The following NLGN4X variants were observed in gnomAD, a reference collection of about 807,000 sequenced individuals.
The protein encoded by NLGN4X is neuroligin-4, X-linked.
A neutral mutation model predicts 40.3 loss-of-function variants in NLGN4X; 3 were observed. The observed-to-expected ratio is 0.07, with a 90% CI of 0.03 to 0.19. The LOEUF (loss-of-function observed/expected upper bound fraction) is 0.19. Ranked by LOEUF, NLGN4X falls within the 10% of genes least tolerant of loss-of-function variation. NLGN4X has a pLI of 1.00. For synonymous variants in NLGN4X, 270 were observed against 306.8 expected, an observed-to-expected ratio of 0.88 and a Z score of 1.25; for missense variants, 382 against 708.3, an observed-to-expected ratio of 0.54 and a Z score of 5.23.
At chrX:5,939,385 G>A (rs1234962828) in intron 3 of NLGN4X, among the ~76,000 whole-genome samples, 1 of 111,104 alleles carries the variant, frequency 9.0e-6, no homozygotes, top group Admixed American at 9.6e-5. Flanking sequence ...AGAAGCAGAT[G>A]CACACACACA....
At chrX:6,016,004 T>C (rs1215835583) in intron 3 of NLGN4X, among the ~76,000 whole-genome samples, 1 of 112,066 alleles carries the variant, frequency 8.9e-6, no homozygotes, top group Non-Finnish European at 1.9e-5. Context: ...GTAAGGAACA[T>C]GTATCCACAT....
intron 2 of NLGN4X, among the ~76,000 whole-genome samples, chrX:6,123,546 G>T (rs960797214): frequency 5.4e-5 from 6 of 111,467 alleles, no homozygotes; most frequent in African/African-American, 1.6e-4. Context: ...CTAGAGCCCA[G>T]ATTCTCTTAG....
At chrX:6,086,621 C>A (rs1032346607) in intron 2 of NLGN4X, among the ~76,000 whole-genome samples, 2 of 111,440 alleles carry the variant, frequency 1.8e-5, no homozygotes, top group Non-Finnish European at 3.8e-5. Flanking sequence ...TTCTTCCACA[C>A]AATGAAGTGT....
At chrX:5,938,662 T>G (rs770971661) in intron 3 of NLGN4X, among the ~76,000 whole-genome samples, 20 of 111,087 alleles carry the variant, frequency 1.8e-4, no homozygotes, top group Non-Finnish European at 3.0e-4. Flanking sequence ...GGCCATGGGT[T>G]AGTTTAAAGC....
At chrX:5,947,189 T>C (rs1181622118) in intron 3 of NLGN4X, among the ~76,000 whole-genome samples, 1 of 112,000 alleles carries the variant, frequency 8.9e-6, no homozygotes, top group Non-Finnish European at 1.9e-5. Context: ...CCTTTGAGTA[T>C]ATACCCAGTA....
At chrX:6,155,628 G>A (rs1165006437) in intron 1 of NLGN4X, among the ~76,000 whole-genome samples, 1 of 111,571 alleles carries the variant, frequency 9.0e-6, no homozygotes, top group Non-Finnish European at 1.9e-5. Flanking sequence ...CCAGCAATCT[G>A]CCACTTTGTC....
At chrX:5,950,060 C>T (rs921356813) in intron 3 of NLGN4X, among the ~76,000 whole-genome samples, 4 of 111,866 alleles carry the variant, frequency 3.6e-5, no homozygotes, top group South Asian at 3.7e-4. Context: ...TACTATAATA[C>T]GGTGATCAGT....
chrX:5,968,996 T>G (rs143511130), intron 3 of NLGN4X, among the ~76,000 whole-genome samples: 1,575 of 111,574 alleles, frequency 0.014, 28 homozygotes, highest in African/African-American at 0.048. Context: ...AGTCTCAACT[T>G]CCTTACACCT....
In NLGN4X at chrX:6,058,191, C is replaced by CAT. The variant is rs893261143; in HGVS notation, c.473-28761_473-28760dup. Among the ~76,000 whole-genome samples, 10 of 110,855 alleles carry CAT rather than the reference C, an allele frequency of 9.0e-5. No homozygotes were observed. The South Asian group carries it at 1.5e-3, about 17-fold the overall frequency. On this transcript the variant is annotated intron_variant, in intron 2 of 5. Transcript: ENST00000381095. ...ACACACACACACATGTTCATACACACATATATATATAAACACATGTAATAA... is the reference window on the plus strand; with the variant it reads ...ACACACACACACATGTTCATACACACATATATATATATAAACACATGTAATAA...
Position 5,997,735 on chromosome X carries a change from CT to C in NLGN4X, c.625+31544del, listed in dbSNP as rs2035871269. 2.8e-5 allele frequency among the ~76,000 whole-genome samples: 3 copies of C among 108,647 alleles called. No individual in the cohort carries two copies. The South Asian group carries it at 1.2e-3, about 45-fold the overall frequency. The allele number at this position is 108,647 out of a possible 115,157, so 94.3% of individuals were successfully genotyped here. On this transcript the variant is annotated intron_variant, in intron 3 of 5. Transcript: ENST00000381095. Reference sequence around the variant, plus strand: ...TTTTGATCCTCAAAACACCATAAGACTCATTTATTTTAAAGGTGAGAAAAAT... The same window carrying C: ...TTTTGATCCTCAAAACACCATAAGACCATTTATTTTAAAGGTGAGAAAAAT...
intron 2 of NLGN4X, among the ~76,000 whole-genome samples, chrX:6,047,696 G>C (rs1441887389): frequency 3.6e-5 from 4 of 111,742 alleles, no homozygotes; most frequent in African/African-American, 1.3e-4. Flanking sequence ...AAAATGTCCA[G>C]GATTGAGGGA....
Position 5,891,915 on chromosome X carries a change from T to A in NLGN4X, c.*902A>T, listed in dbSNP as rs192258189. The A allele has an allele frequency of 7.0e-6, 1 of 142,581 alleles. No homozygotes were observed. Among genetic ancestry groups the A allele is most frequent in the Admixed American group, 8.5e-5 (1 of 11,756 alleles). 11.8% of individuals were successfully genotyped at this position (142,581 alleles called of 1,213,427 possible). A position where few individuals can be genotyped will look rare whatever the true frequency, so the allele number is the denominator to read the frequency against. ...GACCGTCTGGGTCTTCTGTGGGACATCACATCCTCCTACAAATGAGAATCT... is the reference window on the plus strand; with the variant it reads ...GACCGTCTGGGTCTTCTGTGGGACAACACATCCTCCTACAAATGAGAATCT... On this transcript the variant is annotated 3_prime_UTR_variant, in exon 6 of 6. Transcript: ENST00000381095.
At chrX:6,031,592 G>C (rs4615739) in intron 2 of NLGN4X, among the ~76,000 whole-genome samples, 209 of 111,557 alleles carry the variant, frequency 1.9e-3, no homozygotes, top group Non-Finnish European at 3.1e-3. Flanking sequence ...GGCTTGACCA[G>C]CAAGGATAAT....
intron 2 of NLGN4X, among the ~76,000 whole-genome samples, chrX:6,146,258 T>C (rs1309935454): frequency 2.7e-5 from 3 of 112,289 alleles, no homozygotes; most frequent in Non-Finnish European, 5.6e-5. Context: ...CTGCTTAACA[T>C]AGATTTCTGT....
At chrX:5,965,778 C>T (rs939628859) in intron 3 of NLGN4X, among the ~76,000 whole-genome samples, 10 of 111,909 alleles carry the variant, frequency 8.9e-5, no homozygotes, top group African/African-American at 3.2e-4. Context: ...ATGAGAAAAC[C>T]TCATTTCAAA....
At chrX:6,072,574 T>C (rs2038094086) in intron 2 of NLGN4X, among the ~76,000 whole-genome samples, 1 of 111,503 alleles carries the variant, frequency 9.0e-6, no homozygotes, top group East Asian at 2.8e-4. Context: ...AAATTATAGA[T>C]CTTACATACA....
intron 5 of NLGN4X, among the ~76,000 whole-genome samples, chrX:5,902,848 C>T (rs1402402690): frequency 8.9e-6 from 1 of 112,517 alleles, no homozygotes; most frequent in Non-Finnish European, 1.9e-5. Context: ...TGTTTTACTC[C>T]TATAACACTT....
chrX:6,198,398 T>A (rs1487081218), intron 1 of NLGN4X, among the ~76,000 whole-genome samples: 1 of 111,913 alleles, frequency 8.9e-6, no homozygotes, highest in Non-Finnish European at 1.9e-5. Flanking sequence ...TTTCATATGA[T>A]GCTAATGTTA....
At chrX:6,096,833 G>A (rs1349459409) in intron 2 of NLGN4X, among the ~76,000 whole-genome samples, 8 of 111,505 alleles carry the variant, frequency 7.2e-5, no homozygotes, top group South Asian at 3.8e-4. Flanking sequence ...ACCTAACCAC[G>A]AAATGCAGAA....
Sources: gnomAD v4.1 joint callset for allele counts (sites outside exome capture counted in the v4.1 genomes callset) on GRCh38, gnomAD v4.1.1 for gene constraint, MANE v1.5 for transcripts, NCBI Gene and HGNC (gene_info 2026-07-23, HGNC 2026-07-21) for gene names.